The following SDC2 variants were observed in gnomAD, a reference collection of about 807,000 sequenced individuals.
The protein encoded by SDC2 is syndecan-2.
A neutral mutation model predicts 22.2 loss-of-function variants in SDC2; 13 were observed. The observed-to-expected ratio is 0.59, with a 90% CI of 0.38 to 0.93. The LOEUF (loss-of-function observed/expected upper bound fraction) is 0.93. SDC2 is among the 40% of genes least tolerant of loss of function. The probability of loss-of-function intolerance (pLI) is 0.00; values close to 1 mark genes in which losing one functional copy is unlikely to be tolerated. For synonymous variants in SDC2, 94 were observed against 92.8 expected (o/e 1.01, Z -0.07); for missense variants, 235 against 246.8 (o/e 0.95, Z 0.32).
At chr8:96,507,061 G>A (rs1813253031) in intron 1 of SDC2, among the ~76,000 whole-genome samples, 1 of 150,900 alleles carries the variant, frequency 6.6e-6, no homozygotes, top group Non-Finnish European at 1.5e-5. Flanking sequence ...AGGTATAAAA[G>A]TGTTGGGATA....
At chr8:96,580,382 A>G (rs1191512243) in intron 1 of SDC2, 6 of 985,338 alleles carry the variant, frequency 6.1e-6, no homozygotes, top group Non-Finnish European at 7.2e-6. Context: ...AAAGCCAGGT[A>G]TGTCCAGTCA....
chr8:96,556,693 C>G (rs1814119761), intron 1 of SDC2, among the ~76,000 whole-genome samples: 1 of 152,104 alleles, frequency 6.6e-6, no homozygotes, highest in Admixed American at 6.6e-5. Flanking sequence ...CTAGGCAGTA[C>G]CATTGAGGAC....
At chr8:96,572,851 G>A (rs1814419276) in intron 1 of SDC2, among the ~76,000 whole-genome samples, 1 of 152,142 alleles carries the variant, frequency 6.6e-6, no homozygotes, top group African/African-American at 2.4e-5. Context: ...TTATATGAAG[G>A]TGGGGTTAGC....
At chr8:96,578,118 T>C (rs1251408531) in intron 1 of SDC2, among the ~76,000 whole-genome samples, 1 of 152,236 alleles carries the variant, frequency 6.6e-6, no homozygotes, top group East Asian at 1.9e-4. Context: ...AGAGTTGTGA[T>C]GGAAAAGGCA....
At chr8:96,528,091 A>C (rs1813605858) in intron 1 of SDC2, among the ~76,000 whole-genome samples, 1 of 152,154 alleles carries the variant, frequency 6.6e-6, no homozygotes, top group African/African-American at 2.4e-5. Flanking sequence ...GTCGTTGGGG[A>C]AGGAACAGAT....
At chr8:96,574,705 G>A (rs1387898030) in intron 1 of SDC2, among the ~76,000 whole-genome samples, 1 of 152,164 alleles carries the variant, frequency 6.6e-6, no homozygotes. Context: ...TGCTAGGCTT[G>A]TCTTACTGTT....
At chr8:96,576,152 A>G (rs956605140) in intron 1 of SDC2, among the ~76,000 whole-genome samples, 17 of 151,950 alleles carry the variant, frequency 1.1e-4, no homozygotes, top group Admixed American at 9.2e-4. Context: ...AGGCTAGTAT[A>G]ATTTTTAGCA....
chr8:96,539,736 G>A (rs771844058), intron 1 of SDC2, among the ~76,000 whole-genome samples: 5 of 152,064 alleles, frequency 3.3e-5, no homozygotes, highest in African/African-American at 7.2e-5. Context: ...AGTCTACTCC[G>A]TTTTTTTCAT....
chr8:96,493,957 G>C lies in SDC2; in HGVS notation c.-315G>C. Reference sequence around the variant, plus strand: ...CGGCACGGGAAAGGAGTCCGCGGAGGAGCAAAACCACAGCAGAGCAAGAAG... The same window carrying C: ...CGGCACGGGAAAGGAGTCCGCGGAGCAGCAAAACCACAGCAGAGCAAGAAG... On this transcript the variant is annotated 5_prime_UTR_variant, in exon 1 of 5. Coordinates refer to ENST00000302190, the MANE Select transcript of SDC2 (RefSeq NM_002998.4). 2.4e-6 allele frequency: 1 copy of C among 418,336 alleles called. No homozygotes were observed. The highest frequency in any genetic ancestry group is 4.2e-6 in the Non-Finnish European group (1 of 237,156). 25.9% of individuals were successfully genotyped at this position (418,336 alleles called of 1,614,324 possible).
chr8:96,570,261 A>G (rs1300899770), intron 1 of SDC2, among the ~76,000 whole-genome samples: 1 of 152,198 alleles, frequency 6.6e-6, no homozygotes, highest in African/African-American at 2.4e-5. Context: ...TACAAAGGGA[A>G]CGATAACTAG....
intron 1 of SDC2, among the ~76,000 whole-genome samples, chr8:96,532,706 TCAGA>T (rs1384524590): frequency 6.6e-6 from 1 of 152,022 alleles, no homozygotes; most frequent in Non-Finnish European, 1.5e-5. Flanking sequence ...AGCTGTGAAC[TCAGA>T]CAGGCTGAGT....
chr8:96,587,866 AG>A (rs1814712701), intron 1 of SDC2, among the ~76,000 whole-genome samples: 1 of 152,124 alleles, frequency 6.6e-6, no homozygotes, highest in South Asian at 2.1e-4. Flanking sequence ...GGGAGGGACG[AG>A]GTAGGCAGCA....
intron 1 of SDC2, among the ~76,000 whole-genome samples, chr8:96,515,958 A>C (rs1489241032): frequency 7.2e-5 from 11 of 152,210 alleles, no homozygotes; most frequent in Admixed American, 7.2e-4. Flanking sequence ...GACTGGCCAA[A>C]GAACCCAGTG....
intron 1 of SDC2, among the ~76,000 whole-genome samples, chr8:96,500,353 A>C (rs146401673): frequency 6.6e-6 from 1 of 152,072 alleles, no homozygotes; most frequent in Non-Finnish European, 1.5e-5. Context: ...AAAAGGGATT[A>C]TTTTTATTTT....
At chr8:96,558,187 G>T (rs1250679573) in intron 1 of SDC2, among the ~76,000 whole-genome samples, 2 of 152,078 alleles carry the variant, frequency 1.3e-5, no homozygotes, top group Non-Finnish European at 2.9e-5. Context: ...TGCTTTTCTG[G>T]TGAGTGGATA....
intron 1 of SDC2, among the ~76,000 whole-genome samples, chr8:96,574,656 TCA>T (rs1814456573): frequency 6.6e-6 from 1 of 152,240 alleles, no homozygotes; most frequent in African/African-American, 2.4e-5. Context: ...TTACACCTGT[TCA>T]CAGTCATTTG....
intron 1 of SDC2, among the ~76,000 whole-genome samples, chr8:96,548,287 T>C (rs1813968735): frequency 6.6e-6 from 1 of 152,144 alleles, no homozygotes; most frequent in African/African-American, 2.4e-5. Flanking sequence ...CAATTTTGAT[T>C]AGGGTACAGT....
In SDC2 at chr8:96,610,812, C is replaced by A. The variant is rs921176278; in HGVS notation, c.*1264C>A. The A allele has an allele frequency of 5.2e-5, 8 of 152,596 alleles. No homozygotes were observed. The highest frequency in any genetic ancestry group is 1.7e-4 in the African/African-American group (7 of 41,442). The allele number at this position is 152,596 out of a possible 1,614,324, so 9.5% of individuals were successfully genotyped here. A position where few individuals can be genotyped will look rare whatever the true frequency, so the allele number is the denominator to read the frequency against. Reference sequence around the variant, plus strand: ...AGACTGTTTATTACCAGATTCACTTCTGAATTGGCCAGAGGAAATCTGAAT... The same window carrying A: ...AGACTGTTTATTACCAGATTCACTTATGAATTGGCCAGAGGAAATCTGAAT... On this transcript the variant is annotated 3_prime_UTR_variant, in exon 5 of 5. Coordinates refer to ENST00000302190, the MANE Select transcript of SDC2 (RefSeq NM_002998.4).
rs2651476 is a variant in SDC2 at position 96,593,607 on chromosome 8, C to T, written c.172+16C>T. The stretch of plus-strand genomic sequence containing the variant: ...TCTGGCTCGGGTAAGGTGGCTGCTT[C>T]TAAACACTGGACCTCATTCTCCAGG... On this transcript the variant is annotated intron_variant, in intron 2 of 4. Coordinates refer to ENST00000302190, the MANE Select transcript of SDC2 (RefSeq NM_002998.4). The T allele has an allele frequency of 6.7e-7, 1 of 1,495,502 alleles. No homozygotes were observed. Among genetic ancestry groups the T allele is most frequent in the Admixed American group, 1.7e-5 (1 of 59,864 alleles). The allele number at this position is 1,495,502 out of a possible 1,614,324, so 92.6% of individuals were successfully genotyped here. A position where few individuals can be genotyped will look rare whatever the true frequency, so the allele number is the denominator to read the frequency against.
Sources: allele counts gnomAD v4.1 joint callset (sites outside exome capture counted in the v4.1 genomes callset), GRCh38; gene constraint gnomAD v4.1.1; transcripts MANE v1.5; gene names NCBI Gene and HGNC (gene_info 2026-07-23, HGNC 2026-07-21).